Variants in KCNN3 observed in about 807,000 individuals in gnomAD.
KCNN3 encodes small conductance calcium-activated potassium channel protein 3.
A neutral mutation model predicts 62.9 loss-of-function variants in KCNN3; 16 were observed. That is an observed-to-expected ratio of 0.25 (90% CI 0.17 to 0.39). The LOEUF is 0.39. KCNN3 is among the 10% of genes least tolerant of loss of function. The probability of loss-of-function intolerance (pLI) is 1.00; values close to 1 mark genes in which losing one functional copy is unlikely to be tolerated. For missense variants in KCNN3, 599 were observed against 949.4 expected (o/e 0.63, Z 4.85); for synonymous variants, 370 against 389.2 (o/e 0.95, Z 0.58).
chr1:154,792,414 C>T (rs932045841), intron 2 of KCNN3, among the ~76,000 whole-genome samples: 4 of 152,206 alleles, frequency 2.6e-5, no homozygotes, highest in Admixed American at 6.5e-5. Context: ...ACTTGTCCTC[C>T]CCATACAGAC....
At chr1:154,834,425 G>C (rs1399757427) in intron 1 of KCNN3, among the ~76,000 whole-genome samples, 2 of 152,190 alleles carry the variant, frequency 1.3e-5, no homozygotes, top group Non-Finnish European at 2.9e-5. Flanking sequence ...GACTATCCAT[G>C]GTCTAGGGGG....
chr1:154,828,158 G>A (rs968051348), intron 1 of KCNN3, among the ~76,000 whole-genome samples: 2 of 152,134 alleles, frequency 1.3e-5, no homozygotes, highest in Non-Finnish European at 2.9e-5. Flanking sequence ...GGGCGCAGGA[G>A]TCTCAGCCTC....
chr1:154,761,887 C>A (rs973613978), intron 3 of KCNN3, among the ~76,000 whole-genome samples: 1 of 152,126 alleles, frequency 6.6e-6, no homozygotes. Flanking sequence ...CTGCAGTGAG[C>A]CGAGATGGCG....
chr1:154,820,343 C>T (rs1650838457), intron 2 of KCNN3, among the ~76,000 whole-genome samples: 1 of 152,242 alleles, frequency 6.6e-6, no homozygotes, highest in Non-Finnish European at 1.5e-5. Context: ...AGGCCTAGCA[C>T]CACCAAAGTG....
intron 1 of KCNN3, chr1:154,867,836 A>G (rs753517807): frequency 9.5e-6 from 4 of 423,018 alleles, no homozygotes; most frequent in Non-Finnish European, 1.3e-5. Flanking sequence ...CACACCAACA[A>G]ATTGGGGGTG....
chr1:154,717,058 T>C (rs1358614812), intron 5 of KCNN3, among the ~76,000 whole-genome samples: 1 of 152,234 alleles, frequency 6.6e-6, no homozygotes, highest in Non-Finnish European at 1.5e-5. Flanking sequence ...TGCTTCATTA[T>C]CTGTAAGATG....
chr1:154,816,320 T>C (rs1045068273), intron 2 of KCNN3, among the ~76,000 whole-genome samples: 1 of 152,220 alleles, frequency 6.6e-6, no homozygotes. Context: ...CCTTTTACTT[T>C]GAATATGGCC....
chr1:154,802,848 G>T (rs1020497259), intron 2 of KCNN3, among the ~76,000 whole-genome samples: 1 of 152,166 alleles, frequency 6.6e-6, no homozygotes, highest in African/African-American at 2.4e-5. Flanking sequence ...GCTTCGGCCT[G>T]GGTTTCCTCT....
intron 1 of KCNN3, among the ~76,000 whole-genome samples, chr1:154,840,653 G>C (rs1651787395): frequency 6.6e-6 from 1 of 152,192 alleles, no homozygotes; most frequent in African/African-American, 2.4e-5. Context: ...CTCAGCCCCA[G>C]TCAGAATTCT....
intron 1 of KCNN3, among the ~76,000 whole-genome samples, chr1:154,833,328 C>T (rs541905065): frequency 2.2e-4 from 33 of 152,248 alleles, no homozygotes; most frequent in African/African-American, 5.8e-4. Context: ...GAAAAACAAC[C>T]GCCTGCAGGC....
At chr1:154,786,946 C>T (rs1382884193) in intron 2 of KCNN3, among the ~76,000 whole-genome samples, 1 of 152,196 alleles carries the variant, frequency 6.6e-6, no homozygotes, top group Non-Finnish European at 1.5e-5. Flanking sequence ...CTTTCCTGCC[C>T]TGTAATTTTC....
intron 2 of KCNN3, among the ~76,000 whole-genome samples, chr1:154,817,730 T>A (rs376731902): frequency 1.3e-5 from 2 of 152,194 alleles, no homozygotes; most frequent in African/African-American, 4.8e-5. Flanking sequence ...ATTAGAGCCA[T>A]AGATTCACTC....
intron 1 of KCNN3, chr1:154,859,815 A>T: frequency 6.2e-7 from 1 of 1,613,102 alleles, no homozygotes. Flanking sequence ...CAGTCCCTGC[A>T]AGGAGTGTCC....
intron 5 of KCNN3, among the ~76,000 whole-genome samples, chr1:154,721,474 T>C (rs1700346220): frequency 6.6e-6 from 1 of 151,970 alleles, no homozygotes; most frequent in Non-Finnish European, 1.5e-5. Flanking sequence ...TAATTTTTTG[T>C]ATTTTTAGTA....
intron 3 of KCNN3, among the ~76,000 whole-genome samples, chr1:154,771,112 A>G (rs1490215370): frequency 6.8e-6 from 1 of 147,556 alleles, no homozygotes; most frequent in Non-Finnish European, 1.5e-5. Context: ...AATAAATAAA[A>G]TGAAAATCCA....
chr1:154,743,402 C>G (rs1331979811), intron 3 of KCNN3, among the ~76,000 whole-genome samples: 1 of 152,176 alleles, frequency 6.6e-6, no homozygotes, highest in Non-Finnish European at 1.5e-5. Context: ...GAAAAAAAGC[C>G]GAAGTCCCCT....
chr1:154,851,545 T>C (rs1165746228), intron 1 of KCNN3, among the ~76,000 whole-genome samples: 1 of 152,202 alleles, frequency 6.6e-6, no homozygotes, highest in East Asian at 1.9e-4. Flanking sequence ...AGAAATTCCA[T>C]CCTTCCAGTT....
intron 3 of KCNN3, among the ~76,000 whole-genome samples, chr1:154,739,318 A>T (rs1458261349): frequency 6.6e-6 from 1 of 152,176 alleles, no homozygotes; most frequent in Non-Finnish European, 1.5e-5. Context: ...GAAAGAAAAT[A>T]AGCACCATGA....
chr1:154,861,869 C>T (rs1465957349), intron 1 of KCNN3, among the ~76,000 whole-genome samples: 2 of 152,266 alleles, frequency 1.3e-5, no homozygotes, highest in Admixed American at 6.5e-5. Context: ...GCCAGAGAAA[C>T]GAGGCCCAGA....
Sources: gnomAD v4.1 joint callset for allele counts (sites outside exome capture counted in the v4.1 genomes callset) on GRCh38, gnomAD v4.1.1 for gene constraint, MANE v1.5 for transcripts, NCBI Gene and HGNC (gene_info 2026-07-23, HGNC 2026-07-21) for gene names.